The following FAM98B variants were observed in gnomAD, a reference collection of about 807,000 sequenced individuals.
FAM98B encodes tRNA-splicing ligase complex subunit FAM98B.
FAM98B carries 32 observed loss-of-function variants against 43.9 expected under a neutral mutation model. The ratio of observed to expected loss-of-function variants is 0.73; its 90% confidence interval spans 0.55 to 0.98. The LOEUF (loss-of-function observed/expected upper bound fraction) is 0.98, where lower values mean the gene tolerates loss of function less well. Among genes scored for constraint, FAM98B ranks in the 50% least tolerant of loss-of-function variants. The probability of loss-of-function intolerance (pLI) is 0.00; values close to 1 mark genes in which losing one functional copy is unlikely to be tolerated. For synonymous variants in FAM98B, 190 were observed against 174.0 expected, an observed-to-expected ratio of 1.09 and a Z score of -0.72; for missense variants, 514 against 522.9, an observed-to-expected ratio of 0.98 and a Z score of 0.17.
chr15:38,457,617 T>C (rs539301381), intron 1 of FAM98B, among the ~76,000 whole-genome samples: 1 of 152,252 alleles, frequency 6.6e-6, no homozygotes, highest in African/African-American at 2.4e-5. Context: ...GAGTGACATG[T>C]GCAGGTTGGA....
At chr15:38,469,108 G>C (rs748236737) in intron 3 of FAM98B, among the ~76,000 whole-genome samples, 6 of 152,094 alleles carry the variant, frequency 3.9e-5, no homozygotes, top group Non-Finnish European at 8.8e-5. Flanking sequence ...GTTTCACCAT[G>C]TTGGCCAAGC....
chr15:38,473,237 A>G (rs1478374120), intron 4 of FAM98B, among the ~76,000 whole-genome samples: 2 of 152,164 alleles, frequency 1.3e-5, no homozygotes, highest in Admixed American at 6.5e-5. Flanking sequence ...ACAGATTCTC[A>G]TAGTAGAACC....
chr15:38,477,253 C>T lies in FAM98B; in HGVS notation c.729+2955C>T, dbSNP rs1008371832. Among the ~76,000 whole-genome samples, 4 of 113,898 alleles carry T rather than the reference C, an allele frequency of 3.5e-5. 1 individual carries two copies. Among genetic ancestry groups the T allele is most frequent in the Non-Finnish European group, 8.6e-5 (4 of 46,748 alleles). 74.7% of individuals were successfully genotyped at this position (113,898 alleles called of 152,430 possible). On this transcript the variant is annotated intron_variant, in intron 6 of 7. Coordinates refer to ENST00000397609, the MANE Select transcript of FAM98B (RefSeq NM_173611.4). ...GTGCTGTGGCAATTCTTAATGCCAA[C>T]GTGTAGTCTTTGTAGCTGCTCATTT...
intron 3 of FAM98B, among the ~76,000 whole-genome samples, chr15:38,465,950 A>G (rs1240667663): frequency 6.6e-6 from 1 of 152,126 alleles, no homozygotes; most frequent in Non-Finnish European, 1.5e-5. Context: ...CAATTACCAT[A>G]AATAGTAGGT....
At chr15:38,475,313 T>A (rs1336817364) in intron 6 of FAM98B, among the ~76,000 whole-genome samples, 1 of 152,170 alleles carries the variant, frequency 6.6e-6, no homozygotes, top group Non-Finnish European at 1.5e-5. Context: ...TCACATGACA[T>A]CTCTTTCCAT....
intron 6 of FAM98B, among the ~76,000 whole-genome samples, chr15:38,479,675 A>G (rs901996128): frequency 3.3e-5 from 5 of 152,120 alleles, no homozygotes; most frequent in Non-Finnish European, 7.4e-5. Flanking sequence ...TTCTATATTA[A>G]CAATACCAGG....
chr15:38,454,803 C>T (rs1430676268), intron 1 of FAM98B, among the ~76,000 whole-genome samples: 1 of 152,122 alleles, frequency 6.6e-6, no homozygotes, highest in Non-Finnish European at 1.5e-5. Flanking sequence ...GTAAATTTCC[C>T]CTAGGCAAGG....
In FAM98B at chr15:38,484,866, T is replaced by G; in HGVS notation, c.*207T>G. On this transcript the variant is annotated 3_prime_UTR_variant, in exon 8 of 8. Transcript: ENST00000397609. Reference sequence around the variant, plus strand: ...TGAAGTGATGACTTTTTCCATATTCTGTGTACCCTTGAGCATGTTGTGTCT... The same window carrying G: ...TGAAGTGATGACTTTTTCCATATTCGGTGTACCCTTGAGCATGTTGTGTCT... 1 of 687,344 alleles carries G rather than the reference T, an allele frequency of 1.5e-6. No individual in the cohort carries two copies. Among genetic ancestry groups the G allele is most frequent in the Non-Finnish European group, 2.1e-6 (1 of 473,364 alleles). 42.6% of individuals were successfully genotyped at this position (687,344 alleles called of 1,614,324 possible).
At chr15:38,466,622 G>C (rs1247445358) in intron 3 of FAM98B, among the ~76,000 whole-genome samples, 1 of 151,926 alleles carries the variant, frequency 6.6e-6, no homozygotes, top group Non-Finnish European at 1.5e-5. Flanking sequence ...TCAGGAGGGC[G>C]GTGATGAGGA....
chr15:38,466,122 G>A (rs372838230), intron 3 of FAM98B, among the ~76,000 whole-genome samples: 31 of 151,724 alleles, frequency 2.0e-4, no homozygotes, highest in East Asian at 5.8e-4. Flanking sequence ...AAGATTACAC[G>A]TGACATATTC....
At chr15:38,467,527 G>T (rs556900528) in intron 3 of FAM98B, among the ~76,000 whole-genome samples, 37 of 152,078 alleles carry the variant, frequency 2.4e-4, no homozygotes, top group Admixed American at 3.9e-4. Context: ...AAGCCTTTTC[G>T]TATACTACAG....
intron 3 of FAM98B, among the ~76,000 whole-genome samples, chr15:38,468,404 A>T (rs1295441341): frequency 6.6e-6 from 1 of 151,898 alleles, no homozygotes; most frequent in Non-Finnish European, 1.5e-5. Flanking sequence ...TTTAAAAAAT[A>T]TTTTGTAAAG....
At chr15:38,463,389 G>C (rs1295469029) in intron 1 of FAM98B, among the ~76,000 whole-genome samples, 1 of 151,954 alleles carries the variant, frequency 6.6e-6, no homozygotes. Flanking sequence ...TACTCTGGTG[G>C]CTGAGGCATG....
intron 7 of FAM98B, 107 bp from the exon 8 acceptor site, chr15:38,484,148 A>T (rs1275377414): frequency 1.0e-6 from 1 of 968,140 alleles, no homozygotes; most frequent in Non-Finnish European, 1.6e-6. Context: ...TGGTACTTTC[A>T]TGTCCTTAAA....
At chr15:38,477,902 A>G (rs1351896763) in intron 6 of FAM98B, among the ~76,000 whole-genome samples, 1 of 152,198 alleles carries the variant, frequency 6.6e-6, no homozygotes, top group Non-Finnish European at 1.5e-5. Flanking sequence ...ACCTCAAGAA[A>G]TGGAATAGAG....
intron 4 of FAM98B, among the ~76,000 whole-genome samples, chr15:38,471,449 T>C (rs1308343733): frequency 6.6e-6 from 1 of 152,098 alleles, no homozygotes; most frequent in Admixed American, 6.6e-5. Context: ...TCTGGGACTA[T>C]TTCAGATTGA....
chr15:38,474,374 A>G (rs1280822681), intron 6 of FAM98B, 76 bp downstream of exon 6: 4 of 927,074 alleles, frequency 4.3e-6, no homozygotes, highest in Admixed American at 4.1e-5. Context: ...TCTGTTATGT[A>G]ACCATGCCAC....
chr15:38,454,682 C>T (rs1889820372), intron 1 of FAM98B, among the ~76,000 whole-genome samples: 1 of 152,216 alleles, frequency 6.6e-6, no homozygotes, highest in African/African-American at 2.4e-5. Flanking sequence ...ATGGCTTTTA[C>T]TTTGACCGGA....
intron 7 of FAM98B, 125 bp from the exon 8 acceptor site, chr15:38,484,130 G>T: frequency 1.3e-6 from 1 of 784,534 alleles, no homozygotes; most frequent in Non-Finnish European, 2.1e-6. Context: ...AATTTGTTCT[G>T]CCATGTCTGG....
Sources: gnomAD v4.1 joint callset for allele counts (sites outside exome capture counted in the v4.1 genomes callset) on GRCh38, gnomAD v4.1.1 for gene constraint, MANE v1.5 for transcripts, NCBI Gene and HGNC (gene_info 2026-07-23, HGNC 2026-07-21) for gene names.